ZFAND5: variants seen among roughly 807,000 people sequenced by gnomAD.
ZFAND5 encodes the protein zinc finger AN1-type containing 5.
A neutral mutation model predicts 23.6 loss-of-function variants in ZFAND5; 4 were observed. The ratio of observed to expected loss-of-function variants is 0.17; its 90% CI spans 0.08 to 0.39. The LOEUF (loss-of-function observed/expected upper bound fraction) is 0.39, where lower values mean the gene tolerates loss of function less well. ZFAND5 is among the 10% of genes least tolerant of loss of function. The pLI is 1.00. For missense variants in ZFAND5, 161 were observed against 253.7 expected, an observed-to-expected ratio of 0.63 and a Z score of 2.48; for synonymous variants, 68 against 80.6, an observed-to-expected ratio of 0.84 and a Z score of 0.84.
chr9:72,364,746 A>G lies in ZFAND5; in HGVS notation c.-197T>C, dbSNP rs553576686. 2 of 594,636 alleles carry G rather than the reference A, an allele frequency of 3.4e-6. No homozygotes were observed. The highest frequency in any genetic ancestry group is 6.1e-5 in the South Asian group (2 of 32,810). The allele number at this position is 594,636 out of a possible 1,614,324, so 36.8% of individuals were successfully genotyped here. On this transcript the variant is annotated 5_prime_UTR_variant, in exon 1 of 7. Coordinates refer to ENST00000376962, the MANE Select transcript of ZFAND5 (RefSeq NM_001102420.3). ...CGGGTTCGCGCGCGAAGCCGGCACG[A>G]TGAGGCCGGGCCGAGGCCTCCGGGA... is the stretch of plus-strand genomic sequence containing the variant.
At chr9:72,363,124 T>C (rs1842152589) in intron 2 of ZFAND5, among the ~76,000 whole-genome samples, 1 of 152,214 alleles carries the variant, frequency 6.6e-6, no homozygotes, top group South Asian at 2.1e-4. Flanking sequence ...GTGGAGACAG[T>C]GTAAAAAAGA....
At position 72,358,684 on chromosome 9, in the gene ZFAND5, T is replaced by C. The variant is rs183986438; in HGVS notation, c.367+734A>G. ...TACAATAAACAAACTTGACTGCTGT[T>C]AGCAAAAGCCAGCCTCCAAAGCAGA... On this transcript the variant is annotated intron_variant, in intron 5 of 6. Coordinates refer to ENST00000376962, the MANE Select transcript of ZFAND5 (RefSeq NM_001102420.3). 7.3e-4 allele frequency among the ~76,000 whole-genome samples: 111 copies of C among 152,256 alleles called. No individual in the cohort carries two copies. In the Middle Eastern group the frequency reaches 0.017, roughly 23 times the overall value.
intron 2 of ZFAND5, among the ~76,000 whole-genome samples, chr9:72,362,563 G>C (rs1048436763): frequency 6.6e-6 from 1 of 152,126 alleles, no homozygotes; most frequent in Non-Finnish European, 1.5e-5. Flanking sequence ...TAAAATGGAG[G>C]ATACTCCATC....
rs191395595 is a variant in ZFAND5 at position 72,352,366 on chromosome 9, C to A, written c.*3587G>T. On this transcript the variant is annotated 3_prime_UTR_variant, in exon 7 of 7. Transcript: ENST00000376962. ...GTCAAATCAAGTCTTTGTACATATT[C>A]AAATATTTACATGTGGAAAAGATTA... The A allele has an allele frequency of 6.6e-6, 1 of 152,206 alleles. No homozygotes were observed. The highest frequency in any genetic ancestry group is 1.5e-5 in the Non-Finnish European group (1 of 68,006). The allele number at this position is 152,206 out of a possible 1,614,324, so 9.4% of individuals were successfully genotyped here. A position where few individuals can be genotyped will look rare whatever the true frequency, so the allele number is the denominator to read the frequency against.
rs1161156868 is a variant in ZFAND5 at position 72,355,188 on chromosome 9, C to T, written c.*765G>A. On this transcript the variant is annotated 3_prime_UTR_variant, in exon 7 of 7. Transcript: ENST00000376962. ...AAAACCAAACGTAGAGTTTAAATTT[C>T]TTCTTGTAAACAAATTAATCCTAGT... is the stretch of plus-strand genomic sequence containing the variant. The T allele has an allele frequency of 6.6e-5, 10 of 152,606 alleles. No individual in the cohort carries two copies. The highest frequency in any genetic ancestry group is 6.5e-4 in the Admixed American group (10 of 15,276). The allele number at this position is 152,606 out of a possible 1,614,324, so 9.5% of individuals were successfully genotyped here. A position where few individuals can be genotyped will look rare whatever the true frequency, so the allele number is the denominator to read the frequency against.
At position 72,353,507 on chromosome 9, in the gene ZFAND5, CTA is replaced by C. The variant is rs1431204566; in HGVS notation, c.*2444_*2445del. 6.6e-6 allele frequency: 1 copy of C among 152,192 alleles called. No individual in the cohort carries two copies. The highest frequency in any genetic ancestry group is 2.4e-5 in the African/African-American group (1 of 41,396). 9.4% of individuals were successfully genotyped at this position (152,192 alleles called of 1,614,324 possible). ...CCTGACCAACATGGAGAAACTGTCT[CTA>C]TTAAAAATACAAAAATTAGCTGGGC... On this transcript the variant is annotated 3_prime_UTR_variant, in exon 7 of 7. Coordinates refer to ENST00000376962, the MANE Select transcript of ZFAND5 (RefSeq NM_001102420.3).
At chr9:72,360,602 T>C in intron 3 of ZFAND5, 26 bp downstream of exon 3, 3 of 1,612,652 alleles carry the variant, frequency 1.9e-6, no homozygotes, top group Non-Finnish European at 1.7e-6. Context: ...TTCTTTCAAA[T>C]GTGTTTTTCC....
intron 1 of ZFAND5, 104 bp downstream of exon 1, chr9:72,364,592 T>G: frequency 2.4e-6 from 3 of 1,237,932 alleles, no homozygotes; most frequent in Non-Finnish European, 2.1e-6. Flanking sequence ...ATCCGCGGCC[T>G]GCTCCGGCTT....
chr9:72,356,219 G>C, intron 6 of ZFAND5, 118 bp from the exon 7 acceptor site: 1 of 1,255,690 alleles, frequency 8.0e-7, no homozygotes, highest in Admixed American at 2.8e-5. Context: ...AAAAGACAGT[G>C]AACTCTTTTC....
At position 72,354,274 on chromosome 9, in the gene ZFAND5, T is replaced by C. The variant is rs1394481711; in HGVS notation, c.*1679A>G. 2 of 152,262 alleles carry C rather than the reference T, an allele frequency of 1.3e-5. No homozygotes were observed. Among genetic ancestry groups the C allele is most frequent in the African/African-American group, 4.8e-5 (2 of 41,464 alleles). 9.4% of individuals were successfully genotyped at this position (152,262 alleles called of 1,614,324 possible). On this transcript the variant is annotated 3_prime_UTR_variant, in exon 7 of 7. Coordinates refer to ENST00000376962, the MANE Select transcript of ZFAND5 (RefSeq NM_001102420.3). ...AATCCCAAAGGTGCCTATTGAATTC[T>C]TCAAAAATAAACTGCCTATCAGGTA...
In ZFAND5 at chr9:72,352,778, A is replaced by T. The variant is rs1841810146; in HGVS notation, c.*3175T>A. On this transcript the variant is annotated 3_prime_UTR_variant, in exon 7 of 7. Transcript: ENST00000376962. ...AACCATTATTCCAGAACATTAAGAC[A>T]ATAGCAAATACAATGTGCCAGGCAC... The T allele has an allele frequency of 6.6e-6, 1 of 152,226 alleles. No homozygotes were observed. Among genetic ancestry groups the T allele is most frequent in the African/African-American group, 2.4e-5 (1 of 41,454 alleles). 9.4% of individuals were successfully genotyped at this position (152,226 alleles called of 1,614,324 possible). A position where few individuals can be genotyped will look rare whatever the true frequency, so the allele number is the denominator to read the frequency against.
At chr9:72,360,834 T>C (rs780466651) in intron 2 of ZFAND5, 47 bp from the exon 3 acceptor site, 16 of 1,529,454 alleles carry the variant, frequency 1.0e-5, no homozygotes, top group South Asian at 4.9e-5. Context: ...CACCAAAATA[T>C]AGTCTAATAT....
intron 1 of ZFAND5, chr9:72,364,392 C>T (rs1363467085): frequency 2.5e-6 from 3 of 1,181,968 alleles, no homozygotes; most frequent in Non-Finnish European, 3.2e-6. Context: ...CCACGCCGGG[C>T]GCCGCCGCGG....
Position 72,353,035 on chromosome 9 carries a change from CAGATCAGGCACACTGA to C in ZFAND5, c.*2902_*2917del, listed in dbSNP as rs1326595113. 2 of 152,248 alleles carry C rather than the reference CAGATCAGGCACACTGA, an allele frequency of 1.3e-5. No individual in the cohort carries two copies. Among genetic ancestry groups the C allele is most frequent in the South Asian group, 2.1e-4 (1 of 4,834 alleles). The allele number at this position is 152,248 out of a possible 1,614,324, so 9.4% of individuals were successfully genotyped here. ...GATCAAACCTGAGGCTCTAGTTTTA[CAGATCAGGCACACTGA>C]AGATGAGGTTTTCAAAAAGGACTCA... On this transcript the variant is annotated 3_prime_UTR_variant, in exon 7 of 7. Coordinates refer to ENST00000376962, the MANE Select transcript of ZFAND5 (RefSeq NM_001102420.3).
At position 72,363,044 on chromosome 9, in the gene ZFAND5, T is replaced by TC. The variant is rs1434398689; in HGVS notation, c.-10+425dup. 2.6e-5 allele frequency among the ~76,000 whole-genome samples: 4 copies of TC among 152,232 alleles called. No homozygotes were observed. The East Asian group carries it at 7.7e-4, about 29-fold the overall frequency. On this transcript the variant is annotated intron_variant, in intron 2 of 6. Transcript: ENST00000376962. ...TAATGTAGGAAAAACTACAGAACAA[T>TC]CTCAATCTAGAAGATGAAAGCATAG...
intron 2 of ZFAND5, among the ~76,000 whole-genome samples, chr9:72,362,957 T>C: frequency 6.6e-6 from 1 of 152,064 alleles, no homozygotes; most frequent in East Asian, 1.9e-4. Flanking sequence ...CCCCAAGAAC[T>C]AAGGATGCAG....
chr9:72,364,735 A>C lies in ZFAND5; in HGVS notation c.-186T>G. 2 of 694,594 alleles carry C rather than the reference A, an allele frequency of 2.9e-6. No individual in the cohort carries two copies. The highest frequency in any genetic ancestry group is 3.7e-6 in the Non-Finnish European group (2 of 538,372). 43.0% of individuals were successfully genotyped at this position (694,594 alleles called of 1,614,324 possible). A position where few individuals can be genotyped will look rare whatever the true frequency, so the allele number is the denominator to read the frequency against. The stretch of plus-strand genomic sequence containing the variant: ...AATGCGAAAGCCGGGTTCGCGCGCG[A>C]AGCCGGCACGATGAGGCCGGGCCGA... On this transcript the variant is annotated 5_prime_UTR_variant, in exon 1 of 7. Transcript: ENST00000376962.
At position 72,351,590 on chromosome 9, in the gene ZFAND5, C is replaced by CT. The variant is rs1554695352; in HGVS notation, c.*4362dup. 21 of 140,308 alleles carry CT rather than the reference C, an allele frequency of 1.5e-4. No individual in the cohort carries two copies. The South Asian group carries it at 3.3e-3, about 22-fold the overall frequency. The allele number at this position is 140,308 out of a possible 1,614,324, so 8.7% of individuals were successfully genotyped here. On this transcript the variant is annotated 3_prime_UTR_variant, in exon 7 of 7. Coordinates refer to ENST00000376962, the MANE Select transcript of ZFAND5 (RefSeq NM_001102420.3). The stretch of plus-strand genomic sequence containing the variant: ...AATGGCACTTTTGTATTCTGTTGTA[C>CT]TTTTTTTTTTTTTTTTACATTTGCT...
In ZFAND5 at chr9:72,353,929, G is replaced by T. The variant is rs79105909; in HGVS notation, c.*2024C>A. 13,400 of 151,974 alleles carry T rather than the reference G, an allele frequency of 0.088. 728 individuals are homozygous for T. The highest frequency in any genetic ancestry group is 0.13 in the Non-Finnish European group (8,723 of 67,976). 9.4% of individuals were successfully genotyped at this position (151,974 alleles called of 1,614,324 possible). On this transcript the variant is annotated 3_prime_UTR_variant, in exon 7 of 7. Coordinates refer to ENST00000376962, the MANE Select transcript of ZFAND5 (RefSeq NM_001102420.3). ...GCAAAGAACTGACAGATAAAACTAG[G>T]GTATTTCCACCCCAAACTCCATCAC...
Sources: allele counts gnomAD v4.1 joint callset (sites outside exome capture counted in the v4.1 genomes callset), GRCh38; gene constraint gnomAD v4.1.1; transcripts MANE v1.5; gene names NCBI Gene and HGNC (gene_info 2026-07-23, HGNC 2026-07-21).